PASK: variants seen among roughly 807,000 people sequenced by gnomAD.
PASK encodes PAS domain containing serine/threonine kinase.
A neutral mutation model predicts 121.0 loss-of-function variants in PASK; 110 were observed. The ratio of observed to expected loss-of-function variants is 0.91; its 90% CI spans 0.78 to 1.06. The LOEUF is 1.06. Among genes scored for constraint, PASK ranks in the 50% least tolerant of loss-of-function variants. PASK has a pLI of 0.00. For synonymous variants in PASK, 686 were observed against 717.8 expected (o/e 0.96, Z 0.71); for missense variants, 1,643 against 1,702.3 (o/e 0.97, Z 0.61).
intron 2 of PASK, 70 bp downstream of exon 2, chr2:241,142,767 A>G (rs1476120851): frequency 8.3e-7 from 1 of 1,207,454 alleles, no homozygotes; most frequent in African/African-American, 1.5e-5. Context: ...GAGGGTTTCC[A>G]TGAGAACACA....
intron 1 of PASK, among the ~76,000 whole-genome samples, chr2:241,145,062 C>CAT (rs2066892389): frequency 6.6e-6 from 1 of 152,142 alleles, no homozygotes; most frequent in Non-Finnish European, 1.5e-5. Context: ...TACAGGCAGC[C>CAT]GCCACCACGC....
rs1272146553 is a variant in PASK at position 241,142,875 on chromosome 2, C to T, written c.158G>A (p.Gly53Glu). The T allele has an allele frequency of 6.2e-7, 1 of 1,614,016 alleles. No individual in the cohort carries two copies. The highest frequency in any genetic ancestry group is 8.5e-7 in the Non-Finnish European group (1 of 1,179,974). The change falls in exon 2 of 18, where the codon GGG (glycine) becomes GAG (glutamate). Residue 53 changes from glycine to glutamate, a missense_variant. Coordinates refer to ENST00000234040, the MANE Select transcript of PASK (RefSeq NM_015148.4). ...SAHRHLSRRN[G>E]LSRLCQSRTA... ...CCTGCTCTGGCAGAGTCTGGAAAGC[C>T]CATTCCTTCTGCTCAGGTGTCTGTG...
At chr2:241,120,392 C>A (rs756788183) in intron 12 of PASK, among the ~76,000 whole-genome samples, 9 of 152,158 alleles carry the variant, frequency 5.9e-5, no homozygotes, top group Non-Finnish European at 8.8e-5. Context: ...ACTCAGGAGG[C>A]TAAGGCAGGA....
At chr2:241,114,334 T>C in intron 14 of PASK, 3 of 985,406 alleles carry the variant, frequency 3.0e-6, no homozygotes, top group Non-Finnish European at 3.6e-6. Context: ...AGAAATCGAG[T>C]TGTCCCCAGC....
intron 16 of PASK, 87 bp from the exon 17 acceptor site, chr2:241,107,586 G>C: frequency 7.6e-7 from 1 of 1,318,124 alleles, no homozygotes; most frequent in Non-Finnish European, 1.1e-6. Context: ...CCACCCCCCC[G>C]CAGAGCCTCT....
intron 12 of PASK, among the ~76,000 whole-genome samples, chr2:241,120,916 A>C (rs73112166): frequency 0.024 from 3,714 of 152,340 alleles, 154 homozygotes; most frequent in African/African-American, 0.085. Context: ...AATGGAAACA[A>C]CACAAATGTC....
At chr2:241,125,339 AC>A (rs199856720) in intron 10 of PASK, among the ~76,000 whole-genome samples, 3,654 of 138,196 alleles carry the variant, frequency 0.026, 149 homozygotes, top group African/African-American at 0.092. Flanking sequence ...GGTGGCTCAC[AC>A]CTGTAATCCC....
intron 9 of PASK, among the ~76,000 whole-genome samples, chr2:241,131,514 A>C (rs1337692379): frequency 2.0e-5 from 3 of 152,180 alleles, no homozygotes; most frequent in Non-Finnish European, 4.4e-5. Flanking sequence ...TTTTTAAATA[A>C]TTTCAAGACT....
At chr2:241,143,182 C>G in intron 1 of PASK, 108 bp from the exon 2 acceptor site, 1 of 690,880 alleles carries the variant, frequency 1.4e-6, no homozygotes, top group Non-Finnish European at 2.6e-6. Context: ...AAGACATACA[C>G]CACCAACCGC....
Position 241,116,026 on chromosome 2 carries a change from GCCAGGGCCA to G in PASK, c.3073-622_3073-614del, listed in dbSNP as rs2065345617. On this transcript the variant is annotated intron_variant, in intron 12 of 17. Coordinates refer to ENST00000234040, the MANE Select transcript of PASK (RefSeq NM_015148.4). ...CATCGGTCCTCAAGCATCCCATTAC[GCCAGGGCCA>G]CCCAGTCCTCAAGCATCCCATTACA... 8.7e-5 allele frequency among the ~76,000 whole-genome samples: 8 copies of G among 92,104 alleles called. 1 individual carries two copies. The highest frequency in any genetic ancestry group is 4.5e-4 in the African/African-American group (8 of 17,604). The allele number at this position is 92,104 out of a possible 152,430, so 60.4% of individuals were successfully genotyped here.
rs1216048780 is a variant in PASK, at chr2:241,135,739, A to G, written c.1306+132T>C. ...TCAAACCAGAAAACAGTCACCCCCT[A>G]CTCCGCCCCCCACCACCCCTGAGCC... On this transcript the variant is annotated intron_variant, in intron 8 of 17. Coordinates refer to ENST00000234040, the MANE Select transcript of PASK (RefSeq NM_015148.4). The G allele has an allele frequency of 6.5e-6, 5 of 763,932 alleles. No homozygotes were observed. In the Admixed American group the frequency reaches 1.1e-4, roughly 17 times the overall value. The allele number at this position is 763,932 out of a possible 1,614,324, so 47.3% of individuals were successfully genotyped here.
intron 2 of PASK, among the ~76,000 whole-genome samples, chr2:241,141,984 A>G (rs1318211775): frequency 6.6e-6 from 1 of 152,112 alleles, no homozygotes; most frequent in Admixed American, 6.5e-5. Flanking sequence ...TGATGCTCCA[A>G]AAAAGGAACA....
At chr2:241,106,793 T>C in intron 17 of PASK, 70 bp from the exon 18 acceptor site, 3 of 1,481,630 alleles carry the variant, frequency 2.0e-6, no homozygotes, top group Non-Finnish European at 2.8e-6. Flanking sequence ...TGCTTCTCAC[T>C]TGAAGAAGTC....
At chr2:241,119,320 C>T (rs1325344176) in intron 12 of PASK, among the ~76,000 whole-genome samples, 1 of 152,180 alleles carries the variant, frequency 6.6e-6, no homozygotes, top group Non-Finnish European at 1.5e-5. Flanking sequence ...GTGCACGCCA[C>T]CCCACTTCCG....
rs570276350 is a variant in PASK, at chr2:241,140,638, A to G, written c.312T>C (p.Ser104=). Residue 104 remains serine, a synonymous_variant, in exon 3 of 18, where the codon AGT becomes AGC. Coordinates refer to ENST00000234040, the MANE Select transcript of PASK (RefSeq NM_015148.4). ...CCCGCAGCAGGGAGCAGCAGGACACACTGCCCCGCGGTTCGGACGGGTCCG... is the reference window on the plus strand; with the variant it reads ...CCCGCAGCAGGGAGCAGCAGGACACGCTGCCCCGCGGTTCGGACGGGTCCG... ...EHTDPSEPRG[S]VSCCSLLRGL... The G allele has an allele frequency of 3.7e-6, 6 of 1,613,918 alleles. 1 individual carries two copies. The South Asian group carries it at 6.6e-5, about 18-fold the overall frequency.
intron 5 of PASK, among the ~76,000 whole-genome samples, chr2:241,138,417 A>T (rs1341860797): frequency 6.6e-6 from 1 of 152,222 alleles, no homozygotes; most frequent in Non-Finnish European, 1.5e-5. Flanking sequence ...TAAATGTTGA[A>T]ACAATCTTAT....
At chr2:241,133,369 C>T (rs1386999609) in intron 8 of PASK, 2 of 387,268 alleles carry the variant, frequency 5.2e-6, no homozygotes, top group Admixed American at 3.7e-5. Context: ...GGCCTCACTC[C>T]TCCAGGTCTC....
chr2:241,148,560 G>A (rs1298897479), intron 1 of PASK, among the ~76,000 whole-genome samples: 1 of 152,190 alleles, frequency 6.6e-6, no homozygotes, highest in Non-Finnish European at 1.5e-5. Context: ...ACGTGGGCCT[G>A]GAAGGGCCAA....
chr2:241,133,696 TG>T (rs1227303487), intron 8 of PASK: 1 of 158,008 alleles, frequency 6.3e-6, no homozygotes, highest in Non-Finnish European at 1.4e-5. Context: ...GGAAGGACCC[TG>T]GGAGGCCACG....
Sources: gnomAD v4.1 joint callset for allele counts (sites outside exome capture counted in the v4.1 genomes callset) on GRCh38, gnomAD v4.1.1 for gene constraint, MANE v1.5 for transcripts, NCBI Gene and HGNC (gene_info 2026-07-23, HGNC 2026-07-21) for gene names.